SLC30A9: variants seen among roughly 807,000 people sequenced by gnomAD.
The protein encoded by SLC30A9 is solute carrier family 30 member 9.
A neutral mutation model predicts 87.5 loss-of-function variants in SLC30A9; 58 were observed. The ratio of observed to expected loss-of-function variants is 0.66; its 90% CI spans 0.54 to 0.82. The LOEUF is 0.82. Among genes scored for constraint, SLC30A9 ranks in the 40% least tolerant of loss-of-function variants. The pLI, the probability that SLC30A9 is intolerant of heterozygous loss-of-function variation, is 0.00. For synonymous variants in SLC30A9, 234 were observed against 233.0 expected, an observed-to-expected ratio of 1.00 and a Z score of -0.04; for missense variants, 557 against 679.1, an observed-to-expected ratio of 0.82 and a Z score of 2.00.
intron 9 of SLC30A9, among the ~76,000 whole-genome samples, chr4:42,053,638 A>G (rs10938169): frequency 0.66 from 95,745 of 144,970 alleles, 35,714 homozygotes; most frequent in East Asian, 0.96. Flanking sequence ...ACAGTGAGCC[A>G]AGATCCGAGA....
At chr4:42,001,801 G>T (rs527562388) in intron 2 of SLC30A9, 21 bp downstream of exon 2, 8 of 1,571,154 alleles carry the variant, frequency 5.1e-6, no homozygotes, top group Middle Eastern at 3.3e-4. Flanking sequence ...TTTTTTTAAT[G>T]TACTTTTTTC....
Position 42,043,465 on chromosome 4 carries a change from A to G in SLC30A9, c.737+4412A>G, listed in dbSNP as rs141179232. ...CCAAATCAATCAAGTGGAAGAAAGGATATAAGAGATTGAAGATCAACTTAA... is the reference window on the plus strand; with the variant it reads ...CCAAATCAATCAAGTGGAAGAAAGGGTATAAGAGATTGAAGATCAACTTAA... On this transcript the variant is annotated intron_variant, in intron 8 of 17. Transcript: ENST00000264451. Among the ~76,000 whole-genome samples the G allele has an allele frequency of 2.6e-3, 395 of 152,286 alleles. 16 individuals are homozygous for G. In the East Asian group the frequency reaches 0.064, roughly 25 times the overall value.
At position 42,047,103 on chromosome 4, in the gene SLC30A9, G is replaced by A. The variant is rs192834325; in HGVS notation, c.738-2274G>A. On this transcript the variant is annotated intron_variant, in intron 8 of 17. Coordinates refer to ENST00000264451, the MANE Select transcript of SLC30A9 (RefSeq NM_006345.4). Reference sequence around the variant, plus strand: ...CTCAAGATGGATTAAAGACTTAAACGTAAGACCTAAAACCATAAAAACCCT... The same window carrying A: ...CTCAAGATGGATTAAAGACTTAAACATAAGACCTAAAACCATAAAAACCCT... Among the ~76,000 whole-genome samples the A allele has an allele frequency of 1.7e-3, 253 of 152,190 alleles. 2 individuals are homozygous for A. Among genetic ancestry groups the A allele is most frequent in the African/African-American group, 5.6e-3 (232 of 41,538 alleles).
At chr4:42,015,901 T>C (rs983552793) in intron 2 of SLC30A9, among the ~76,000 whole-genome samples, 17 of 152,066 alleles carry the variant, frequency 1.1e-4, no homozygotes, top group African/African-American at 3.9e-4. Flanking sequence ...TAAAATTAAA[T>C]ATTGTTCTAA....
intron 14 of SLC30A9, among the ~76,000 whole-genome samples, chr4:42,067,859 C>T (rs1718144157): frequency 2.0e-5 from 3 of 152,170 alleles, no homozygotes; most frequent in Admixed American, 6.5e-5. Context: ...CTGGCCAGGT[C>T]TGGTTCCTTC....
chr4:42,003,855 A>G (rs940277730), intron 2 of SLC30A9, among the ~76,000 whole-genome samples: 1 of 152,158 alleles, frequency 6.6e-6, no homozygotes. Context: ...TTCAAAGCCT[A>G]AAGTTAATTG....
chr4:42,073,035 G>C (rs1047229287), intron 15 of SLC30A9, among the ~76,000 whole-genome samples: 1 of 149,928 alleles, frequency 6.7e-6, no homozygotes, highest in Non-Finnish European at 1.5e-5. Flanking sequence ...TGGCCAGGCT[G>C]GTCTCAAACT....
intron 8 of SLC30A9, among the ~76,000 whole-genome samples, chr4:42,049,042 G>A (rs7659014): frequency 0.65 from 98,986 of 151,688 alleles, 36,759 homozygotes; most frequent in East Asian, 0.96. Context: ...AGCTCACTTC[G>A]GCCTCAAACT....
chr4:42,068,858 TAGC>T lies in SLC30A9; in HGVS notation c.1253-1666_1253-1664del, dbSNP rs1363407011. ...ATTTTTATTTTCGAAAACAACCATT[TAGC>T]ATGAAAAGACTCAATTTATGAAGTT... is the stretch of plus-strand genomic sequence containing the variant. On this transcript the variant is annotated intron_variant, in intron 14 of 17. Transcript: ENST00000264451. 3.3e-5 allele frequency among the ~76,000 whole-genome samples: 5 copies of T among 152,384 alleles called. No individual in the cohort carries two copies. In the East Asian group the frequency reaches 7.7e-4, roughly 23 times the overall value.
At chr4:41,995,382 GT>G (rs1023464244) in intron 1 of SLC30A9, among the ~76,000 whole-genome samples, 3 of 152,020 alleles carry the variant, frequency 2.0e-5, no homozygotes, top group African/African-American at 7.3e-5. Context: ...GCCTCCTAGA[GT>G]TTTTGTGAAT....
rs762572625 is a variant in SLC30A9, at chr4:42,078,328, A to G, written c.1662+3A>G. ...ATAGACTTGAGAAGGAACTGAAAGT[A>G]AGATGTATTCATAAAAATAACATAA... On this transcript the variant is annotated splice_donor_region_variant and intron_variant, in intron 17 of 17. Transcript: ENST00000264451. 2.9e-6 allele frequency: 4 copies of G among 1,357,218 alleles called. No individual in the cohort carries two copies. The South Asian group carries it at 4.9e-5, about 17-fold the overall frequency. 84.1% of individuals were successfully genotyped at this position (1,357,218 alleles called of 1,614,324 possible). A position where few individuals can be genotyped will look rare whatever the true frequency, so the allele number is the denominator to read the frequency against.
chr4:42,067,131 T>C lies in SLC30A9; in HGVS notation c.1191T>C (p.Asp397=). 6.2e-7 allele frequency: 1 copy of C among 1,612,942 alleles called. No homozygotes were observed. Among genetic ancestry groups the C allele is most frequent in the South Asian group, 1.1e-5 (1 of 91,058 alleles). The part of the protein sequence containing the change: ...DPSTNVILLE[D]TAAVLGVIIA... Reference sequence around the variant, plus strand: ...GTACAAATGTGATATTATTGGAGGATACTGCTGCAGTCTTGGGAGTTATAA... The same window carrying C: ...GTACAAATGTGATATTATTGGAGGACACTGCTGCAGTCTTGGGAGTTATAA... Residue 397 remains aspartate, a synonymous_variant, in exon 14 of 18, where the codon GAT becomes GAC. Transcript: ENST00000264451.
intron 8 of SLC30A9, among the ~76,000 whole-genome samples, chr4:42,039,663 A>G (rs746622893): frequency 3.6e-4 from 54 of 151,856 alleles, no homozygotes; most frequent in Non-Finnish European, 6.2e-4. Context: ...GGGTTTCACT[A>G]CGTTGGCCAG....
rs950757877 is a variant in SLC30A9, at chr4:42,082,796, C to T, written c.1663-3286C>T. 3.3e-5 allele frequency among the ~76,000 whole-genome samples: 5 copies of T among 149,650 alleles called. No homozygotes were observed. In the East Asian group the frequency reaches 9.8e-4, roughly 29 times the overall value. On this transcript the variant is annotated intron_variant, in intron 17 of 17. Coordinates refer to ENST00000264451, the MANE Select transcript of SLC30A9 (RefSeq NM_006345.4). ...CTGGGAGGTGGAGGTTGCAGTGAGC[C>T]GAGATTGTGCCACTGCACTTCAGCC...
At chr4:41,998,707 G>C (rs1714848756) in intron 1 of SLC30A9, among the ~76,000 whole-genome samples, 1 of 152,036 alleles carries the variant, frequency 6.6e-6, no homozygotes, top group Admixed American at 6.6e-5. Flanking sequence ...CTCGTGACCT[G>C]CCCAGCTTGG....
intron 2 of SLC30A9, among the ~76,000 whole-genome samples, chr4:42,016,251 T>G (rs1715714614): frequency 6.6e-6 from 1 of 152,212 alleles, no homozygotes; most frequent in Non-Finnish European, 1.5e-5. Flanking sequence ...TGTTATTGAA[T>G]GAGGATATAA....
intron 1 of SLC30A9, among the ~76,000 whole-genome samples, chr4:41,991,054 C>T (rs1714415906): frequency 6.6e-6 from 1 of 152,270 alleles, no homozygotes; most frequent in Non-Finnish European, 1.5e-5. Context: ...ATGTTACGTG[C>T]GCATCGCGGT....
chr4:42,007,567 C>T (rs973794363), intron 2 of SLC30A9, among the ~76,000 whole-genome samples: 4 of 150,648 alleles, frequency 2.7e-5, no homozygotes, highest in African/African-American at 4.8e-5. Flanking sequence ...CTGGCTAACC[C>T]GGTGAAACCC....
At chr4:41,996,972 T>C (rs979274691) in intron 1 of SLC30A9, among the ~76,000 whole-genome samples, 2 of 151,670 alleles carry the variant, frequency 1.3e-5, no homozygotes, top group Non-Finnish European at 2.9e-5. Flanking sequence ...AGGTAGAGGT[T>C]GCAGTGAGCT....
Sources: allele counts gnomAD v4.1 joint callset (sites outside exome capture counted in the v4.1 genomes callset), GRCh38; gene constraint gnomAD v4.1.1; transcripts MANE v1.5; gene names NCBI Gene and HGNC (gene_info 2026-07-23, HGNC 2026-07-21).